PREX1: variants seen among roughly 807,000 people sequenced by gnomAD.
PREX1 encodes phosphatidylinositol 3,4,5-trisphosphate-dependent Rac exchanger 1 protein.
Under a neutral mutation model 198.3 loss-of-function variants are expected in PREX1, and 41 were observed. That is an observed-to-expected ratio of 0.21 (90% CI 0.16 to 0.27). The LOEUF (loss-of-function observed/expected upper bound fraction) is 0.27. PREX1 is among the 10% of genes least tolerant of loss of function. The probability of loss-of-function intolerance (pLI) is 1.00; values close to 1 mark genes in which losing one functional copy is unlikely to be tolerated. For synonymous variants in PREX1, 843 were observed against 887.2 expected (o/e 0.95, Z 0.89); for missense variants, 1,620 against 2,200.7 (o/e 0.74, Z 5.28).
intron 10 of PREX1, among the ~76,000 whole-genome samples, chr20:48,686,100 T>A (rs1020132332): frequency 2.0e-5 from 3 of 152,134 alleles, no homozygotes; most frequent in Non-Finnish European, 4.4e-5. Flanking sequence ...TGCCTCGGTT[T>A]CCTCACTTTT....
rs2089257098 is a variant in PREX1 at position 48,624,765 on chromosome 20, A to G, written c.*1120T>C. 1 of 152,230 alleles carries G rather than the reference A, an allele frequency of 6.6e-6. No homozygotes were observed. The highest frequency in any genetic ancestry group is 1.5e-5 in the Non-Finnish European group (1 of 68,052). 9.4% of individuals were successfully genotyped at this position (152,230 alleles called of 1,614,324 possible). ...TCTGAGAAGTTACCATCAAGAAAAT[A>G]AATCACAGAAGCCACCGCCCGGTGT... On this transcript the variant is annotated 3_prime_UTR_variant, in exon 40 of 40. Transcript: ENST00000371941.
chr20:48,875,874 G>A, the PREX1 span, among the ~76,000 whole-genome samples: 1 of 152,196 alleles, frequency 6.6e-6, no homozygotes, highest in Admixed American at 6.5e-5. Flanking sequence ...TTTGGAACAT[G>A]CCCAGCTGGT....
At chr20:48,712,840 G>C (rs2089939005) in intron 5 of PREX1, among the ~76,000 whole-genome samples, 1 of 152,210 alleles carries the variant, frequency 6.6e-6, no homozygotes, top group Non-Finnish European at 1.5e-5. Context: ...AAGATCTCAA[G>C]AAGTAACGGC....
intron 13 of PREX1, among the ~76,000 whole-genome samples, chr20:48,677,602 G>A (rs2089718643): frequency 6.6e-6 from 1 of 152,162 alleles, no homozygotes; most frequent in African/African-American, 2.4e-5. Flanking sequence ...AGAAGCAAAA[G>A]AAGTTAATCA....
chr20:48,760,103 C>G (rs1328660225), intron 1 of PREX1, among the ~76,000 whole-genome samples: 1 of 151,490 alleles, frequency 6.6e-6, no homozygotes, highest in Non-Finnish European at 1.5e-5. Context: ...CAAAGCAAGA[C>G]CCTGCCTCAA....
chr20:48,657,922 G>A (rs898969977), intron 17 of PREX1, among the ~76,000 whole-genome samples: 2 of 152,214 alleles, frequency 1.3e-5, no homozygotes, highest in Non-Finnish European at 1.5e-5. Context: ...AACACACCAG[G>A]AGCACAGCCC....
intron 10 of PREX1, among the ~76,000 whole-genome samples, chr20:48,687,125 C>T (rs903355313): frequency 4.6e-5 from 7 of 152,238 alleles, no homozygotes; most frequent in African/African-American, 1.7e-4. Context: ...TCAGGTTCCC[C>T]TGCACAGTTC....
chr20:48,743,389 G>A (rs1039594060), intron 3 of PREX1, among the ~76,000 whole-genome samples: 3 of 152,084 alleles, frequency 2.0e-5, no homozygotes, highest in Admixed American at 6.6e-5. Flanking sequence ...ATGCTGGTCC[G>A]AGGCACCGTC....
rs1313218411 is a variant in PREX1, at chr20:48,624,892, GTCAC to G, written c.*989_*992del. 1 of 152,284 alleles carries G rather than the reference GTCAC, an allele frequency of 6.6e-6. No homozygotes were observed. Among genetic ancestry groups the G allele is most frequent in the Non-Finnish European group, 1.5e-5 (1 of 68,072 alleles). 9.4% of individuals were successfully genotyped at this position (152,284 alleles called of 1,614,324 possible). ...GCCACCTCTCAGGCCCTTGTAGCCA[GTCAC>G]TCAAAGAGAGCGAGTTCTAACACCG... On this transcript the variant is annotated 3_prime_UTR_variant, in exon 40 of 40. Coordinates refer to ENST00000371941, the MANE Select transcript of PREX1 (RefSeq NM_020820.4).
intron 1 of PREX1, among the ~76,000 whole-genome samples, chr20:48,788,212 C>T (rs1232513901): frequency 6.6e-6 from 1 of 152,154 alleles, no homozygotes; most frequent in Non-Finnish European, 1.5e-5. Context: ...GCAGTGTCCT[C>T]GAGCCTTTTG....
At chr20:48,709,842 T>C (rs895082751) in intron 5 of PREX1, among the ~76,000 whole-genome samples, 6 of 152,262 alleles carry the variant, frequency 3.9e-5, no homozygotes, top group African/African-American at 1.4e-4. Flanking sequence ...GGTATTGTTC[T>C]GAGCACTCCC....
At chr20:48,826,178 T>C (rs2090507789) in intron 1 of PREX1, among the ~76,000 whole-genome samples, 1 of 151,254 alleles carries the variant, frequency 6.6e-6, no homozygotes, top group African/African-American at 2.4e-5. Flanking sequence ...AGCCTGGCTC[T>C]AGGGTCTTTG....
At position 48,730,326 on chromosome 20, in the gene PREX1, G is replaced by A. The variant is rs1197056402; in HGVS notation, c.520-3935C>T. On this transcript the variant is annotated intron_variant, in intron 4 of 39. Transcript: ENST00000371941. ...CTTCCCATCCCACTCAGAATAAAAC[G>A]GAACATTCTCTAAGGCAAAGCCACG... is the stretch of plus-strand genomic sequence containing the variant. Among the ~76,000 whole-genome samples the A allele has an allele frequency of 2.6e-5, 4 of 151,734 alleles. No individual in the cohort carries two copies. The East Asian group carries it at 5.8e-4, about 22-fold the overall frequency.
intron 1 of PREX1, among the ~76,000 whole-genome samples, chr20:48,795,761 T>C (rs1371655728): frequency 6.6e-6 from 1 of 152,006 alleles, no homozygotes; most frequent in Non-Finnish European, 1.5e-5. Flanking sequence ...GACATACACA[T>C]CCCATGAGCA....
Position 48,625,383 on chromosome 20 carries a change from G to A in PREX1, c.*502C>T, listed in dbSNP as rs1388460355. 1 of 152,992 alleles carries A rather than the reference G, an allele frequency of 6.5e-6. No homozygotes were observed. Among genetic ancestry groups the A allele is most frequent in the Admixed American group, 6.5e-5 (1 of 15,300 alleles). The allele number at this position is 152,992 out of a possible 1,614,324, so 9.5% of individuals were successfully genotyped here. A position where few individuals can be genotyped will look rare whatever the true frequency, so the allele number is the denominator to read the frequency against. On this transcript the variant is annotated 3_prime_UTR_variant, in exon 40 of 40. Transcript: ENST00000371941. ...GCCCCGTCTCTCCTTTCCCGACAGA[G>A]CCAAGTCTTTTCCAAGTCCACCAAG... is the stretch of plus-strand genomic sequence containing the variant.
the PREX1 span, among the ~76,000 whole-genome samples, chr20:48,838,178 G>A: frequency 2.6e-5 from 4 of 152,172 alleles, no homozygotes; most frequent in Admixed American, 2.6e-4. Context: ...GGCTTAAGCG[G>A]GGCTGGAAAC....
At chr20:48,702,672 G>A (rs2089881585) in intron 6 of PREX1, among the ~76,000 whole-genome samples, 1 of 152,370 alleles carries the variant, frequency 6.6e-6, no homozygotes, top group African/African-American at 2.4e-5. Context: ...GGGGCAAGGA[G>A]CTGGAGGGAA....
intron 3 of PREX1, among the ~76,000 whole-genome samples, chr20:48,742,120 A>G (rs918694521): frequency 5.3e-5 from 8 of 152,102 alleles, no homozygotes; most frequent in South Asian, 2.1e-4. Context: ...CGGGCATCAC[A>G]GCAGCTTTGT....
intron 1 of PREX1, among the ~76,000 whole-genome samples, chr20:48,770,709 CA>C (rs1028830871): frequency 3.4e-4 from 50 of 145,970 alleles, no homozygotes; most frequent in Middle Eastern, 6.9e-3. Flanking sequence ...ATCTCCATCT[CA>C]AAAAAAAAAA....
Sources: gnomAD v4.1 joint callset for allele counts (sites outside exome capture counted in the v4.1 genomes callset) on GRCh38, gnomAD v4.1.1 for gene constraint, MANE v1.5 for transcripts, NCBI Gene and HGNC (gene_info 2026-07-23, HGNC 2026-07-21) for gene names.